DSPP: variants seen among roughly 807,000 people sequenced by gnomAD.
DSPP encodes deafness, autosomal dominant 39.
In DSPP, 28 loss-of-function variants were observed where a neutral mutation model predicts 29.1. That is an observed-to-expected ratio of 0.96 (90% confidence interval 0.71 to 1.32). DSPP has a LOEUF of 1.32. DSPP is among the 40% of genes most tolerant of loss of function. DSPP has a pLI of 0.00. For missense variants in DSPP, 1,281 were observed against 1,629.9 expected (o/e 0.79, Z 3.69); for synonymous variants, 481 against 503.4 (o/e 0.96, Z 0.60).
Position 87,612,855 on chromosome 4 carries a change from G to T in DSPP, c.669G>T (p.Gly223=), listed in dbSNP as rs750546551. Residue 223 remains glycine, a synonymous_variant, in exon 4 of 5, where the codon GGG becomes GGT. Coordinates refer to ENST00000651931, the MANE Select transcript of DSPP (RefSeq NM_014208.3). ...CTCAGATCAACAGCAAGAGAAATGG[G>T]ACTAAGGAAGCTGAGGTAACACCAG... ...ITPQINSKRN[G]TKEAEVTPGT... The T allele has an allele frequency of 1.9e-6, 3 of 1,614,176 alleles. No individual in the cohort carries two copies. The South Asian group carries it at 3.3e-5, about 18-fold the overall frequency.
chr4:87,610,221 A>G (rs1417823830), intron 1 of DSPP, among the ~76,000 whole-genome samples: 1 of 152,168 alleles, frequency 6.6e-6, no homozygotes, highest in African/African-American at 2.4e-5. Context: ...GGAAAGAGAT[A>G]CCAAATACCC....
rs1274767989 is a variant in DSPP at position 87,613,050 on chromosome 4, A to G, written c.864A>G (p.Glu288=). The change falls in exon 4 of 5, where the codon GAA becomes GAG. Residue 288 remains glutamate, a synonymous_variant. Coordinates refer to ENST00000651931, the MANE Select transcript of DSPP (RefSeq NM_014208.3). ...AGGAGGGCCAGGACCATGGGAAAGA[A>G]GATGATCATGATAGTAGCATAGGTC... ...KGQEGQDHGK[E]DDHDSSIGQN... 1 of 1,614,056 alleles carries G rather than the reference A, an allele frequency of 6.2e-7. No homozygotes were observed. The highest frequency in any genetic ancestry group is 1.3e-5 in the African/African-American group (1 of 74,924).
chr4:87,615,057 A>T lies in DSPP; in HGVS notation c.2395A>T (p.Asn799Tyr). ...SNSSDSSDSSNSSDSSNSSDS... is the reference protein window; with the variant it reads ...SNSSDSSDSSYSSDSSNSSDS... Reference sequence around the variant, plus strand: ...TAGCAGTGACAGCAGTGATAGCAGCAACAGCAGTGATAGCAGCAACAGCAG... The same window carrying T: ...TAGCAGTGACAGCAGTGATAGCAGCTACAGCAGTGATAGCAGCAACAGCAG... Residue 799 changes from asparagine to tyrosine, a missense_variant, in exon 5 of 5, where the codon AAC becomes TAC. Physicochemically the swap from Asn to Tyr is moderately radical, Grantham distance 143. This residue lies in a region of DSPP where 444 missense variants were observed against 611.4 expected (regional missense o/e 0.73). Transcript: ENST00000651931. The T allele has an allele frequency of 1.3e-6, 2 of 1,549,884 alleles. No individual in the cohort carries two copies. The highest frequency in any genetic ancestry group is 1.7e-6 in the Non-Finnish European group (2 of 1,146,238).
At position 87,616,286 on chromosome 4, in the gene DSPP, T is replaced by C. The variant is rs111536498; in HGVS notation, c.3624T>C (p.Ser1208=). The C allele has an allele frequency of 0.018, 26,032 of 1,444,074 alleles. 1,972 individuals carry two copies. Among genetic ancestry groups the C allele is most frequent in the African/African-American group, 0.15 (6,438 of 41,570 alleles). The allele number at this position is 1,444,074 out of a possible 1,614,324, so 89.5% of individuals were successfully genotyped here. Reference sequence around the variant, plus strand: ...ACAGCAGCGATAGTAGTGATAGCAGTGACAGCAGTGACAGCAGCGACAGCA... The same window carrying C: ...ACAGCAGCGATAGTAGTGATAGCAGCGACAGCAGTGACAGCAGCGACAGCA... ...SSDSSDSSDS[S]DSSDSSDSSD... is the part of the protein sequence containing the mutation. Residue 1208 remains serine, a synonymous_variant, in exon 5 of 5, where the codon AGT becomes AGC. Coordinates refer to ENST00000651931, the MANE Select transcript of DSPP (RefSeq NM_014208.3).
rs372815079 is a variant in DSPP at position 87,613,877 on chromosome 4, T to C, written c.1215T>C (p.His405=). 1.5e-5 allele frequency: 25 copies of C among 1,614,162 alleles called. 1 individual carries two copies. The South Asian group carries it at 1.9e-4, about 12-fold the overall frequency. Residue 405 remains histidine (H), a synonymous_variant, in exon 5 of 5, where the codon CAT becomes CAC. Coordinates refer to ENST00000651931, the MANE Select transcript of DSPP (RefSeq NM_014208.3). ...AAGGTAAAGAGGATAAAGGACAACA[T>C]GGAATGATCTTGGGCAAAGGCAATG... ...GNEGKEDKGQ[H]GMILGKGNVK... is the part of the protein sequence containing the mutation.
intron 1 of DSPP, among the ~76,000 whole-genome samples, chr4:87,609,018 T>G (rs1305295192): frequency 6.6e-6 from 1 of 152,230 alleles, no homozygotes; most frequent in Admixed American, 6.5e-5. Flanking sequence ...TTATTTATTG[T>G]CCCACATGAA....
At position 87,614,876 on chromosome 4, in the gene DSPP, CAACAGCAGT is replaced by C; in HGVS notation, c.2215_2223del (p.Asn739_Ser741del). 1 of 1,245,406 alleles carries C rather than the reference CAACAGCAGT, an allele frequency of 8.0e-7. No individual in the cohort carries two copies. The highest frequency in any genetic ancestry group is 1.1e-6 in the Non-Finnish European group (1 of 883,318). 77.1% of individuals were successfully genotyped at this position (1,245,406 alleles called of 1,614,324 possible). ...ACAGCAGCGATAGCAGTGACAGCAGCAACAGCAGTGACAGCAGTGATAGCAGTGACAGCA... is the reference window on the plus strand; with the variant it reads ...ACAGCAGCGATAGCAGTGACAGCAGCGACAGCAGTGATAGCAGTGACAGCA... On this transcript the variant is annotated inframe_deletion, in exon 5 of 5. Transcript: ENST00000651931.
rs762157486 is a variant in DSPP at position 87,615,677 on chromosome 4, TAGCAGTGAC to T, written c.3033_3041del (p.Asp1014_Ser1016del). 8,889 of 1,520,544 alleles carry T rather than the reference TAGCAGTGAC, an allele frequency of 5.8e-3. 40 individuals are homozygous for T. The highest frequency in any genetic ancestry group is 7.0e-3 in the Non-Finnish European group (7,898 of 1,134,288). 94.2% of individuals were successfully genotyped at this position (1,520,544 alleles called of 1,614,324 possible). A position where few individuals can be genotyped will look rare whatever the true frequency, so the allele number is the denominator to read the frequency against. On this transcript the variant is annotated inframe_deletion, in exon 5 of 5. Transcript: ENST00000651931. Reference sequence around the variant, plus strand: ...GCAGTGATAGCAGCAACAGCAGTGATAGCAGTGACAGCAGTGACAGCAGTGATAGCAGTA... The same window carrying T: ...GCAGTGATAGCAGCAACAGCAGTGATAGCAGTGACAGCAGTGATAGCAGTA...
Position 87,616,351 on chromosome 4 carries a change from A to G in DSPP, c.3689A>G (p.Asp1230Gly). 2 of 1,513,696 alleles carry G rather than the reference A, an allele frequency of 1.3e-6. No homozygotes were observed. The highest frequency in any genetic ancestry group is 1.8e-6 in the Non-Finnish European group (2 of 1,122,330). 93.8% of individuals were successfully genotyped at this position (1,513,696 alleles called of 1,614,324 possible). The change falls in exon 5 of 5, where the codon GAC (aspartate) becomes GGC (glycine). Residue 1230 changes from aspartate (D) to glycine (G), a missense_variant. Around this residue, in one of 4 missense-constraint regions of DSPP, gnomAD observed 134 missense variants for 185.0 expected, o/e 0.72. Transcript: ENST00000651931. ...AGCAGTGACAGCAGCGACAGCAGTG[A>G]CAGCAATGAAAGCAGCGACAGCAGT... Reference protein sequence around the residue: ...SDSSDSSDSSDSNESSDSSDS... With the variant: ...SDSSDSSDSSGSNESSDSSDS...
In DSPP at chr4:87,616,782, T is replaced by C; in HGVS notation, c.*214T>C. The C allele has an allele frequency of 1.4e-6, 1 of 697,954 alleles. No individual in the cohort carries two copies. Among genetic ancestry groups the C allele is most frequent in the Non-Finnish European group, 2.4e-6 (1 of 424,174 alleles). 43.2% of individuals were successfully genotyped at this position (697,954 alleles called of 1,614,324 possible). Reference sequence around the variant, plus strand: ...GAATGCATGACCTTTGGTACATGCCTGTTAATATTCATGTTCTGAAAATAT... The same window carrying C: ...GAATGCATGACCTTTGGTACATGCCCGTTAATATTCATGTTCTGAAAATAT... On this transcript the variant is annotated 3_prime_UTR_variant, in exon 5 of 5. Coordinates refer to ENST00000651931, the MANE Select transcript of DSPP (RefSeq NM_014208.3).
At position 87,614,600 on chromosome 4, in the gene DSPP, C is replaced by G. The variant is rs748285274; in HGVS notation, c.1938C>G (p.Asn646Lys). 2.6e-6 allele frequency: 4 copies of G among 1,548,586 alleles called. No homozygotes were observed. The highest frequency in any genetic ancestry group is 1.7e-4 in the Middle Eastern group (1 of 5,980). ...GTAAGTCAGACAGCAGTGACAGCAA[C>G]AGCAGTGACAGTAGTGACAACAGTG... ...SDSKSDSSDS[N>K]SSDSSDNSDS... The change falls in exon 5 of 5, where the codon AAC (asparagine) becomes AAG (lysine). Residue 646 changes from asparagine (N) to lysine (K), a missense_variant. Physicochemically the swap from Asn to Lys is moderately conservative, Grantham distance 94 (BLOSUM62 0). This residue lies in a region of DSPP where 444 missense variants were observed against 611.4 expected (regional missense o/e 0.73). Coordinates refer to ENST00000651931, the MANE Select transcript of DSPP (RefSeq NM_014208.3).
chr4:87,615,651 A>G lies in DSPP; in HGVS notation c.2989A>G (p.Ser997Gly), dbSNP rs1480645065. Residue 997 changes from serine (S) to glycine (G), a missense_variant, in exon 5 of 5, where the codon AGC (serine) becomes GGC (glycine). By Grantham distance (56) the Ser-to-Gly change is moderately conservative. Around this residue, in one of 4 missense-constraint regions of DSPP, gnomAD observed 444 missense variants for 611.4 expected, o/e 0.73. Transcript: ENST00000651931. ...DSSDSSDSSD[S>G]SDSSNSSDSS... is the part of the protein sequence containing the mutation. Reference sequence around the variant, plus strand: ...CAGTGATAGCAGTGACAGCAGTGACAGCAGTGATAGCAGCAACAGCAGTGA... The same window carrying G: ...CAGTGATAGCAGTGACAGCAGTGACGGCAGTGATAGCAGCAACAGCAGTGA... The G allele has an allele frequency of 6.5e-7, 1 of 1,540,910 alleles. No homozygotes were observed. The highest frequency in any genetic ancestry group is 1.2e-5 in the South Asian group (1 of 82,776).
At chr4:87,611,478 TG>T (rs1727733864) in intron 2 of DSPP, among the ~76,000 whole-genome samples, 1 of 152,142 alleles carries the variant, frequency 6.6e-6, no homozygotes, top group Admixed American at 6.6e-5. Flanking sequence ...GTGGAAAATT[TG>T]GAATATATGA....
rs1326345411 is a variant in DSPP, at chr4:87,616,814, A to G, written c.*246A>G. 1 of 654,320 alleles carries G rather than the reference A, an allele frequency of 1.5e-6. No individual in the cohort carries two copies. The highest frequency in any genetic ancestry group is 2.6e-6 in the Non-Finnish European group (1 of 387,402). 40.5% of individuals were successfully genotyped at this position (654,320 alleles called of 1,614,324 possible). A position where few individuals can be genotyped will look rare whatever the true frequency, so the allele number is the denominator to read the frequency against. On this transcript the variant is annotated 3_prime_UTR_variant, in exon 5 of 5. Coordinates refer to ENST00000651931, the MANE Select transcript of DSPP (RefSeq NM_014208.3). ...ATTCATGTTCTGAAAATATTTTGTTAAAAGTGTAAATCTAAACATAAAAGA... is the reference window on the plus strand; with the variant it reads ...ATTCATGTTCTGAAAATATTTTGTTGAAAGTGTAAATCTAAACATAAAAGA...
chr4:87,613,354 C>T, intron 4 of DSPP, 46 bp downstream of exon 4: 5 of 1,597,454 alleles, frequency 3.1e-6, no homozygotes, highest in Non-Finnish European at 4.3e-6. Context: ...TTAAATTCTT[C>T]CCCTCCATCT....
At position 87,614,262 on chromosome 4, in the gene DSPP, A is replaced by G. The variant is rs1727804791; in HGVS notation, c.1600A>G (p.Asn534Asp). 1.2e-6 allele frequency: 2 copies of G among 1,614,246 alleles called. No individual in the cohort carries two copies. The highest frequency in any genetic ancestry group is 2.7e-5 in the African/African-American group (2 of 75,072). Reference sequence around the variant, plus strand: ...CAGTAATGGCAATGGTAACAATGGGAATGATGACAATGACAAATCAGACAG... The same window carrying G: ...CAGTAATGGCAATGGTAACAATGGGGATGATGACAATGACAAATCAGACAG... ...SDSNGNGNNGNDDNDKSDSGK... is the reference protein window; with the variant it reads ...SDSNGNGNNGDDDNDKSDSGK... Residue 534 changes from asparagine (N) to aspartate (D), a missense_variant, in exon 5 of 5, where the codon AAT becomes GAT. Coordinates refer to ENST00000651931, the MANE Select transcript of DSPP (RefSeq NM_014208.3).
chr4:87,614,993 T>G lies in DSPP; in HGVS notation c.2331T>G (p.Ser777Arg), dbSNP rs1727838774. Residue 777 changes from serine (S) to arginine (R), a missense_variant, in exon 5 of 5, where the codon AGT becomes AGG. This residue lies in a region of DSPP where 444 missense variants were observed against 611.4 expected (regional missense o/e 0.73). Transcript: ENST00000651931. Reference sequence around the variant, plus strand: ...ATAGCAGTGACAGCAGTGATAGTAGTGACAGCAGCAACAGCAGTGATAGCA... The same window carrying G: ...ATAGCAGTGACAGCAGTGATAGTAGGGACAGCAGCAACAGCAGTGATAGCA... ...SSDSSDSSDS[S>R]DSSNSSDSND... 1 of 1,547,876 alleles carries G rather than the reference T, an allele frequency of 6.5e-7. No individual in the cohort carries two copies. The highest frequency in any genetic ancestry group is 1.4e-5 in the African/African-American group (1 of 71,634).
Position 87,614,315 on chromosome 4 carries a change from C to T in DSPP, c.1653C>T (p.Asp551=), listed in dbSNP as rs1476780513. Residue 551 remains aspartate, a synonymous_variant, in exon 5 of 5, where the codon GAC becomes GAT. Transcript: ENST00000651931. ...GCAAAGGTAAATCAGATAGCAGTGA[C>T]AGTGATAGTAGTGATAGCAGCAATA... ...DSGKGKSDSS[D]SDSSDSSNSS... 1 of 1,612,698 alleles carries T rather than the reference C, an allele frequency of 6.2e-7. No individual in the cohort carries two copies. Among genetic ancestry groups the T allele is most frequent in the Non-Finnish European group, 8.5e-7 (1 of 1,179,302 alleles).
In DSPP at chr4:87,614,004, G is replaced by A. The variant is rs776996679; in HGVS notation, c.1342G>A (p.Asp448Asn). ...HSNTGSDSNS[D>N]GYDSYDFDDK... The stretch of plus-strand genomic sequence containing the variant: ...CAATACAGGTAGTGACAGCAATAGT[G>A]ATGGATATGACAGTTATGATTTTGA... The change falls in exon 5 of 5, where the codon GAT becomes AAT. Residue 448 changes from aspartate to asparagine, a missense_variant. Around this residue, in one of 4 missense-constraint regions of DSPP, gnomAD observed 631 missense variants for 643.2 expected, o/e 0.98. Transcript: ENST00000651931. 2.7e-5 allele frequency: 44 copies of A among 1,614,206 alleles called. No homozygotes were observed. In the East Asian group the frequency reaches 9.4e-4, roughly 34 times the overall value.
Sources: allele counts gnomAD v4.1 joint callset (sites outside exome capture counted in the v4.1 genomes callset), GRCh38; gene constraint gnomAD v4.1.1; regional missense constraint gnomAD v4.1.1; transcripts MANE v1.5; gene names NCBI Gene and HGNC (gene_info 2026-07-23, HGNC 2026-07-21).